Variants in MTHFD1L observed in about 807,000 individuals in gnomAD.
MTHFD1L encodes the protein monofunctional C1-tetrahydrofolate synthase, mitochondrial.
MTHFD1L carries 81 observed loss-of-function variants against 119.5 expected under a neutral mutation model. That is an observed-to-expected ratio of 0.68 (90% CI 0.57 to 0.82). MTHFD1L has a LOEUF of 0.82. MTHFD1L is among the 40% of genes least tolerant of loss of function. The pLI is 0.00. For synonymous variants in MTHFD1L, 430 were observed against 475.2 expected, an observed-to-expected ratio of 0.90 and a Z score of 1.24; for missense variants, 1,125 against 1,253.4, an observed-to-expected ratio of 0.90 and a Z score of 1.55.
chr6:151,086,410 C>T (rs184631408), intron 26 of MTHFD1L, among the ~76,000 whole-genome samples: 27 of 152,224 alleles, frequency 1.8e-4, no homozygotes, highest in African/African-American at 6.3e-4. Flanking sequence ...TAAACAATTC[C>T]GTCCCTCACA....
intron 1 of MTHFD1L, among the ~76,000 whole-genome samples, chr6:150,871,685 G>T (rs1234820755): frequency 1.3e-5 from 2 of 150,628 alleles, no homozygotes; most frequent in Non-Finnish European, 3.0e-5. Flanking sequence ...TGTATTTTTA[G>T]TAGAAACGGG....
chr6:150,953,064 G>A (rs1266420421), intron 16 of MTHFD1L, among the ~76,000 whole-genome samples: 2 of 152,042 alleles, frequency 1.3e-5, no homozygotes, highest in African/African-American at 4.8e-5. Flanking sequence ...CCCAACTCCT[G>A]GCCATGGACC....
intron 16 of MTHFD1L, among the ~76,000 whole-genome samples, chr6:150,953,234 A>G (rs1795103332): frequency 6.6e-6 from 1 of 152,246 alleles, no homozygotes; most frequent in Non-Finnish European, 1.5e-5. Flanking sequence ...GCTCTTGGCC[A>G]ATATTGGCTG....
At chr6:150,956,798 T>TA (rs1795708688) in intron 17 of MTHFD1L, among the ~76,000 whole-genome samples, 1 of 152,220 alleles carries the variant, frequency 6.6e-6, no homozygotes, top group Admixed American at 6.5e-5. Flanking sequence ...AACCAATCCT[T>TA]ACGCCAAATA....
At chr6:151,067,954 G>A (rs572179401) in intron 26 of MTHFD1L, among the ~76,000 whole-genome samples, 2 of 152,314 alleles carry the variant, frequency 1.3e-5, no homozygotes, top group African/African-American at 4.8e-5. Flanking sequence ...GTAAACAGAG[G>A]GTGGTTATTC....
chr6:151,026,820 C>CGTTTT (rs1159614991), intron 24 of MTHFD1L, among the ~76,000 whole-genome samples: 1 of 51,264 alleles, frequency 2.0e-5, no homozygotes, highest in African/African-American at 8.5e-5. Flanking sequence ...CCTTTCTATC[C>CGTTTT]TTTTTTTTTT....
intron 26 of MTHFD1L, among the ~76,000 whole-genome samples, chr6:151,053,768 G>C (rs2128584196): frequency 6.6e-6 from 1 of 151,724 alleles, no homozygotes; most frequent in South Asian, 2.1e-4. Flanking sequence ...GCTGAGGCAG[G>C]AGAATCTCTT....
At chr6:150,879,263 C>T (rs1186546067) in intron 4 of MTHFD1L, among the ~76,000 whole-genome samples, 3 of 152,084 alleles carry the variant, frequency 2.0e-5, no homozygotes, top group Non-Finnish European at 2.9e-5. Context: ...TTCATTTGCA[C>T]GATACCCACT....
At chr6:150,920,675 A>G (rs1025374940) in intron 9 of MTHFD1L, among the ~76,000 whole-genome samples, 1 of 152,040 alleles carries the variant, frequency 6.6e-6, no homozygotes, top group Admixed American at 6.6e-5. Flanking sequence ...GCAGTCCTAT[A>G]TTTTCTTCAT....
chr6:151,054,732 G>T (rs1468670870), intron 26 of MTHFD1L, among the ~76,000 whole-genome samples: 1 of 152,068 alleles, frequency 6.6e-6, no homozygotes, highest in Non-Finnish European at 1.5e-5. Flanking sequence ...ATCCAAAAAA[G>T]ACCCATCAAA....
intron 22 of MTHFD1L, among the ~76,000 whole-genome samples, chr6:151,014,229 C>T (rs993123332): frequency 1.3e-5 from 2 of 151,974 alleles, no homozygotes; most frequent in African/African-American, 4.8e-5. Flanking sequence ...AGAAAAGTGC[C>T]GTTCTAAGAA....
At chr6:151,025,105 C>T (rs756311817) in intron 24 of MTHFD1L, among the ~76,000 whole-genome samples, 2 of 152,192 alleles carry the variant, frequency 1.3e-5, no homozygotes, top group South Asian at 2.1e-4. Flanking sequence ...TTTCTAGCGG[C>T]GAGCCTTTCT....
intron 8 of MTHFD1L, among the ~76,000 whole-genome samples, chr6:150,911,652 G>A (rs1786900019): frequency 6.6e-6 from 1 of 152,098 alleles, no homozygotes; most frequent in South Asian, 2.1e-4. Flanking sequence ...GAGAGAGGGA[G>A]GGCGTATTAG....
intron 20 of MTHFD1L, among the ~76,000 whole-genome samples, chr6:150,981,305 G>C (rs1219070763): frequency 6.6e-6 from 1 of 152,178 alleles, no homozygotes; most frequent in Non-Finnish European, 1.5e-5. Context: ...CATGGAAAGG[G>C]ATGTAGAGCA....
intron 26 of MTHFD1L, among the ~76,000 whole-genome samples, chr6:151,060,182 T>C (rs191690064): frequency 4.6e-5 from 7 of 152,344 alleles, no homozygotes; most frequent in African/African-American, 7.2e-5. Context: ...TGAGATTTTA[T>C]TGTTCTTACC....
Position 150,907,825 on chromosome 6 carries a change from A to G in MTHFD1L, c.892+2064A>G, listed in dbSNP as rs11757454. ...TTGAAATTTATCTGGCCCAACTGTA[A>G]TAGTTTTCTTGTTGGTTTTTGAATG... On this transcript the variant is annotated intron_variant, in intron 8 of 27. Coordinates refer to ENST00000367321, the MANE Select transcript of MTHFD1L (RefSeq NM_015440.5). 3.0e-3 allele frequency among the ~76,000 whole-genome samples: 462 copies of G among 152,194 alleles called. 3 individuals are homozygous for G. Among genetic ancestry groups the G allele is most frequent in the East Asian group, 0.01 (53 of 5,186 alleles).
At chr6:151,073,200 G>A (rs1584401024) in intron 26 of MTHFD1L, among the ~76,000 whole-genome samples, 1 of 152,208 alleles carries the variant, frequency 6.6e-6, no homozygotes, top group Non-Finnish European at 1.5e-5. Context: ...GGAGAGAACT[G>A]CATAGAGAGA....
chr6:151,088,999 G>A (rs575610668), intron 26 of MTHFD1L, among the ~76,000 whole-genome samples: 2 of 152,254 alleles, frequency 1.3e-5, no homozygotes, highest in African/African-American at 2.4e-5. Flanking sequence ...TTGGTCAGAC[G>A]AGCTGAAATA....
chr6:150,901,375 C>T (rs989370373), intron 7 of MTHFD1L, among the ~76,000 whole-genome samples: 1 of 152,204 alleles, frequency 6.6e-6, no homozygotes, highest in Non-Finnish European at 1.5e-5. Flanking sequence ...TACTTAGAGG[C>T]TGAGGTAGGA....
Sources: gnomAD v4.1 joint callset for allele counts (sites outside exome capture counted in the v4.1 genomes callset) on GRCh38, gnomAD v4.1.1 for gene constraint, MANE v1.5 for transcripts, NCBI Gene and HGNC (gene_info 2026-07-23, HGNC 2026-07-21) for gene names.